ATG4A: variants seen among roughly 807,000 people sequenced by gnomAD.
ATG4A encodes cysteine protease ATG4A.
Under a neutral mutation model 38.4 loss-of-function variants are expected in ATG4A, and 22 were observed. That is an observed-to-expected ratio of 0.57 (90% confidence interval 0.41 to 0.82). The LOEUF (loss-of-function observed/expected upper bound fraction) is 0.82, where lower values mean the gene tolerates loss of function less well. Among genes scored for constraint, ATG4A ranks in the 40% least tolerant of loss-of-function variants. The pLI is 0.00. For synonymous variants in ATG4A, 86 were observed against 100.7 expected (o/e 0.85, Z 0.88); for missense variants, 220 against 290.0 (o/e 0.76, Z 1.75).
chrX:108,123,741 T>A (rs1231510105), intron 1 of ATG4A, among the ~76,000 whole-genome samples: 1 of 111,971 alleles, frequency 8.9e-6, no homozygotes, highest in Non-Finnish European at 1.9e-5. Flanking sequence ...ATTCTTTGGC[T>A]GCCATTTTGA....
chrX:108,138,332 T>G, intron 9 of ATG4A, 141 bp downstream of exon 9: 1 of 522,381 alleles, frequency 1.9e-6, no homozygotes, highest in Non-Finnish European at 3.3e-6. Context: ...CAGCTCCTTC[T>G]GTCTCCGGCC....
At chrX:108,091,383 C>G (rs1451468908), upstream of ATG4A, 1 of 1,192,325 alleles carries the variant, frequency 8.4e-7, no homozygotes, top group Non-Finnish European at 1.1e-6. Flanking sequence ...TCGCCGACTG[C>G]GGAGAGACCT....
At chrX:108,108,493 A>T (rs767973617) in intron 1 of ATG4A, among the ~76,000 whole-genome samples, 2 of 111,202 alleles carry the variant, frequency 1.8e-5, no homozygotes, top group South Asian at 7.6e-4. Flanking sequence ...AAATATGGAT[A>T]TTGTGTTAGT....
chrX:108,151,683 T>C, intron 10 of ATG4A, 119 bp from the exon 11 acceptor site: 1 of 663,532 alleles, frequency 1.5e-6, no homozygotes, highest in Non-Finnish European at 2.3e-6. Context: ...CAGTCTTCCT[T>C]CTTTATTGCT....
chrX:108,112,201 T>A (rs2147976734), intron 1 of ATG4A, among the ~76,000 whole-genome samples: 1 of 111,708 alleles, frequency 9.0e-6, no homozygotes, highest in East Asian at 2.8e-4. Flanking sequence ...TTAACTATAG[T>A]CACCCTGTTG....
intron 1 of ATG4A, among the ~76,000 whole-genome samples, chrX:108,102,416 A>T (rs1569299953): frequency 9.0e-6 from 1 of 111,310 alleles, no homozygotes; most frequent in African/African-American, 3.3e-5. Context: ...ATTTGGTGAG[A>T]TTTTTTGTTA....
At chrX:108,106,886 T>C (rs1483440410) in intron 1 of ATG4A, among the ~76,000 whole-genome samples, 2 of 111,951 alleles carry the variant, frequency 1.8e-5, no homozygotes, top group Non-Finnish European at 3.8e-5. Context: ...GGATTTATCC[T>C]ATTGGGTTTG....
At chrX:108,120,097 G>A (rs1443485544) in intron 1 of ATG4A, among the ~76,000 whole-genome samples, 5 of 112,234 alleles carry the variant, frequency 4.5e-5, no homozygotes, top group Non-Finnish European at 9.4e-5. Context: ...AAGAATCAAG[G>A]TGATTCTCAC....
rs141263188 is a variant in ATG4A at position 108,137,124 on chromosome X, G to A, written c.501G>A (p.Leu167=). 4.1e-5 allele frequency: 50 copies of A among 1,206,972 alleles called. No homozygotes were observed. In the African/African-American group the frequency reaches 8.2e-4, roughly 20 times the overall value. ...CTTTATTTGACGAATGGAATTCCTT[G>A]GCTGTTTATGTTTCAATGGATAACA... The part of the protein sequence containing the change: ...KLALFDEWNS[L]AVYVSMDNTV... The change falls in exon 7 of 13, where the codon TTG becomes TTA. Residue 167 remains leucine (L), a synonymous_variant. Transcript: ENST00000372232.
chrX:108,126,065 CT>C lies in ATG4A; in HGVS notation c.11-8del. 8.9e-7 allele frequency: 1 copy of C among 1,129,127 alleles called. No homozygotes were observed. Among genetic ancestry groups the C allele is most frequent in the Non-Finnish European group, 1.2e-6 (1 of 827,334 alleles). The allele number at this position is 1,129,127 out of a possible 1,213,427, so 93.1% of individuals were successfully genotyped here. ...CTATTAAATTTTACTTGTTTCTTTCCTTTTCTTTCAGTTTTATCCAAGTATG... is the reference window on the plus strand; with the variant it reads ...CTATTAAATTTTACTTGTTTCTTTCCTTTCTTTCAGTTTTATCCAAGTATG... On this transcript the variant is annotated splice_polypyrimidine_tract_variant and intron_variant, in intron 1 of 12. Transcript: ENST00000372232.
At position 108,151,784 on chromosome X, in the gene ATG4A, CT is replaced by C. The variant is rs766617492; in HGVS notation, c.961-14del. ...ACCAAAGGTAATTCTAAGTTGTGTT[CT>C]TTTGCTTTCCCCCAAGGGATTTTTC... On this transcript the variant is annotated splice_polypyrimidine_tract_variant and intron_variant, in intron 10 of 12. Transcript: ENST00000372232. 9 of 1,204,254 alleles carry C rather than the reference CT, an allele frequency of 7.5e-6. No individual in the cohort carries two copies. In the African/African-American group the frequency reaches 1.6e-4, roughly 21 times the overall value.
intron 1 of ATG4A, among the ~76,000 whole-genome samples, chrX:108,104,123 C>G (rs1396152962): frequency 8.9e-6 from 1 of 112,455 alleles, no homozygotes; most frequent in African/African-American, 3.2e-5. Flanking sequence ...GCATGAGCTG[C>G]CGCACCCAGC....
chrX:108,108,646 G>A (rs778686350), intron 1 of ATG4A, among the ~76,000 whole-genome samples: 1 of 110,447 alleles, frequency 9.1e-6, no homozygotes, highest in Non-Finnish European at 1.9e-5. Flanking sequence ...CGTCTTGATC[G>A]TTTTTAAGTG....
chrX:108,149,708 G>T (rs775504328), intron 9 of ATG4A, among the ~76,000 whole-genome samples: 12 of 112,241 alleles, frequency 1.1e-4, no homozygotes, highest in African/African-American at 3.9e-4. Flanking sequence ...CCTTACCAGA[G>T]GTGCTTTCTG....
intron 9 of ATG4A, among the ~76,000 whole-genome samples, chrX:108,148,517 TAC>T (rs368317060): frequency 0.46 from 43,188 of 94,271 alleles, 8,218 homozygotes; most frequent in African/African-American, 0.55. Context: ...TCCATGCACA[TAC>T]ACACACACAC....
At chrX:108,106,736 T>C (rs2032185077) in intron 1 of ATG4A, among the ~76,000 whole-genome samples, 1 of 112,414 alleles carries the variant, frequency 8.9e-6, no homozygotes, top group African/African-American at 3.2e-5. Context: ...CCATGGTTCC[T>C]CTTAATAAAT....
Position 108,152,029 on chromosome X carries a change from C to T in ATG4A, c.1017+171C>T, listed in dbSNP as rs188543842. Reference sequence around the variant, plus strand: ...AGGTGTGGGGAATTGTGCATAACTTCGGGGAAACTGAACAAAAATTTTGGT... The same window carrying T: ...AGGTGTGGGGAATTGTGCATAACTTTGGGGAAACTGAACAAAAATTTTGGT... On this transcript the variant is annotated intron_variant, in intron 11 of 12. Transcript: ENST00000372232. 1,259 of 456,255 alleles carry T rather than the reference C, an allele frequency of 2.8e-3. 9 individuals carry two copies. Among genetic ancestry groups the T allele is most frequent in the African/African-American group, 0.026 (1,060 of 41,545 alleles). 37.6% of individuals were successfully genotyped at this position (456,255 alleles called of 1,213,427 possible).
chrX:108,142,121 T>A (rs774722529), intron 9 of ATG4A, among the ~76,000 whole-genome samples: 2 of 111,850 alleles, frequency 1.8e-5, no homozygotes, highest in South Asian at 7.5e-4. Flanking sequence ...TTGTGGCAGC[T>A]TGTGGCCAGG....
chrX:108,098,074 T>G (rs1393424241), intron 1 of ATG4A, among the ~76,000 whole-genome samples: 3 of 111,931 alleles, frequency 2.7e-5, no homozygotes, highest in African/African-American at 9.8e-5. Flanking sequence ...AACTCGTCAT[T>G]TACATTAGGT....
Sources: gnomAD v4.1 joint callset for allele counts (sites outside exome capture counted in the v4.1 genomes callset) on GRCh38, gnomAD v4.1.1 for gene constraint, MANE v1.5 for transcripts, NCBI Gene and HGNC (gene_info 2026-07-23, HGNC 2026-07-21) for gene names.